AGBL1: variants seen among roughly 807,000 people sequenced by gnomAD.
AGBL1 encodes AGBL carboxypeptidase 1.
A neutral mutation model predicts 118.9 loss-of-function variants in AGBL1; 130 were observed. The observed-to-expected ratio is 1.09, with a 90% confidence interval of 0.95 to 1.26. AGBL1 has a LOEUF of 1.26. Ranked by LOEUF, AGBL1 falls within the 50% of genes most tolerant of loss-of-function variation. The pLI, the probability that AGBL1 is intolerant of heterozygous loss-of-function variation, is 0.00. For missense variants in AGBL1, 1,584 were observed against 1,298.1 expected (o/e 1.22, Z -3.38); for synonymous variants, 555 against 478.9 (o/e 1.16, Z -2.08).
intron 18 of AGBL1, among the ~76,000 whole-genome samples, chr15:86,475,920 T>C (rs1181918084): frequency 1.3e-5 from 2 of 152,172 alleles, no homozygotes; most frequent in African/African-American, 2.4e-5. Context: ...GGCCAATATT[T>C]AACATTCTTA....
downstream of AGBL1, among the ~76,000 whole-genome samples, chr15:87,030,918 T>C (rs2081776670): frequency 6.6e-6 from 1 of 151,902 alleles, no homozygotes; most frequent in Non-Finnish European, 1.5e-5. Flanking sequence ...GCGGCTGAGC[T>C]GAGGAAGGAC....
chr15:86,774,840 G>T (rs1432315142), intron 22 of AGBL1, among the ~76,000 whole-genome samples: 1 of 152,102 alleles, frequency 6.6e-6, no homozygotes, highest in African/African-American at 2.4e-5. Context: ...AGAAGTATAA[G>T]AAATGAAGTG....
chr15:86,980,373 C>T (rs755685205), intron 23 of AGBL1, among the ~76,000 whole-genome samples: 8 of 152,084 alleles, frequency 5.3e-5, no homozygotes, highest in Non-Finnish European at 1.0e-4. Flanking sequence ...GGGAGCATTC[C>T]AAAAAATAGC....
chr15:86,353,347 A>T (rs553097906), intron 17 of AGBL1, among the ~76,000 whole-genome samples: 1 of 152,224 alleles, frequency 6.6e-6, no homozygotes, highest in Non-Finnish European at 1.5e-5. Context: ...GCATGCCTAT[A>T]AACAAGGACC....
At chr15:86,845,085 T>G (rs560694361) in intron 22 of AGBL1, among the ~76,000 whole-genome samples, 1 of 152,258 alleles carries the variant, frequency 6.6e-6, no homozygotes, top group Non-Finnish European at 1.5e-5. Flanking sequence ...TTTATAGTAT[T>G]AAAATCAAAG....
At chr15:86,153,234 C>A (rs925202444) in intron 3 of AGBL1, among the ~76,000 whole-genome samples, 2 of 152,152 alleles carry the variant, frequency 1.3e-5, no homozygotes, top group African/African-American at 4.8e-5. Context: ...TGGCACTATT[C>A]ACAAAAGCAA....
At chr15:86,883,691 GT>G (rs1182366204) in intron 22 of AGBL1, among the ~76,000 whole-genome samples, 2 of 152,100 alleles carry the variant, frequency 1.3e-5, no homozygotes, top group African/African-American at 4.8e-5. Context: ...CTAGCACATG[GT>G]AGGTAGGTGG....
intron 22 of AGBL1, among the ~76,000 whole-genome samples, chr15:86,718,806 A>G (rs1470851226): frequency 2.0e-5 from 3 of 152,206 alleles, no homozygotes; most frequent in East Asian, 1.9e-4. Flanking sequence ...TCTGTTTTCT[A>G]AACAGAAACA....
intron 17 of AGBL1, among the ~76,000 whole-genome samples, chr15:86,321,403 C>T (rs1219362922): frequency 1.3e-5 from 2 of 151,930 alleles, no homozygotes; most frequent in African/African-American, 4.8e-5. Flanking sequence ...TCAAGTTCTT[C>T]CGCTTGTGTA....
chr15:86,708,328 G>C (rs1407951632), intron 22 of AGBL1, among the ~76,000 whole-genome samples: 1 of 152,048 alleles, frequency 6.6e-6, no homozygotes, highest in Non-Finnish European at 1.5e-5. Flanking sequence ...ACATAGGAGA[G>C]GTCATTCTCT....
At chr15:86,186,576 G>A (rs2077636539) in intron 5 of AGBL1, among the ~76,000 whole-genome samples, 1 of 152,174 alleles carries the variant, frequency 6.6e-6, no homozygotes, top group African/African-American at 2.4e-5. Flanking sequence ...CTGCAGGCCT[G>A]TCAAAATGCT....
intron 18 of AGBL1, among the ~76,000 whole-genome samples, chr15:86,477,851 A>G (rs917924612): frequency 2.6e-5 from 4 of 152,140 alleles, no homozygotes; most frequent in African/African-American, 4.8e-5. Flanking sequence ...CTGGCAAACC[A>G]AATCCAGCAG....
At chr15:86,517,061 C>G (rs1013929754) in intron 18 of AGBL1, among the ~76,000 whole-genome samples, 7 of 152,044 alleles carry the variant, frequency 4.6e-5, no homozygotes, top group African/African-American at 1.7e-4. Context: ...CAAATTAAAA[C>G]ATGTAAGAGA....
intron 23 of AGBL1, among the ~76,000 whole-genome samples, chr15:86,934,711 G>T (rs534355633): frequency 2.0e-5 from 3 of 152,120 alleles, no homozygotes; most frequent in East Asian, 3.9e-4. Flanking sequence ...ACAGTATCTG[G>T]CTCAAAGTAA....
At chr15:86,791,557 A>G (rs2078493412) in intron 22 of AGBL1, among the ~76,000 whole-genome samples, 1 of 151,994 alleles carries the variant, frequency 6.6e-6, no homozygotes, top group Non-Finnish European at 1.5e-5. Context: ...AGACACAGAA[A>G]TGTTGCCTAC....
intron 5 of AGBL1, among the ~76,000 whole-genome samples, chr15:86,194,139 T>C (rs369965063): frequency 6.6e-6 from 1 of 152,236 alleles, no homozygotes; most frequent in South Asian, 2.1e-4. Context: ...TGCTCTGGGA[T>C]TTTCTTCGGA....
At chr15:86,735,602 CTGTGTGTGTGTGTG>C (rs35147328) in intron 22 of AGBL1, among the ~76,000 whole-genome samples, 1 of 141,914 alleles carries the variant, frequency 7.0e-6, no homozygotes, top group South Asian at 2.3e-4. Context: ...GAGATACAGA[CTGTGTGTGTGTGTG>C]TGTGTGTGTG....
In AGBL1 at chr15:86,907,812, G is replaced by A. The variant is rs1227512860; in HGVS notation, c.*518G>A. 1 of 152,116 alleles carries A rather than the reference G, an allele frequency of 6.6e-6. No individual in the cohort carries two copies. Among genetic ancestry groups the A allele is most frequent in the East Asian group, 1.9e-4 (1 of 5,184 alleles). The allele number at this position is 152,116 out of a possible 1,614,324, so 9.4% of individuals were successfully genotyped here. On this transcript the variant is annotated 3_prime_UTR_variant, in exon 23 of 23. Transcript: ENST00000614907. ...CCTGGCAGGGTCTTCAGGTGCTGGG[G>A]CTTGAACATGAAAAACTGTGCATCC...
intron 23 of AGBL1, among the ~76,000 whole-genome samples, chr15:86,976,239 T>G (rs1363584595): frequency 6.6e-6 from 1 of 150,618 alleles, no homozygotes; most frequent in African/African-American, 2.4e-5. Context: ...TGCTTATATA[T>G]CTGTAGTATA....
Sources: allele counts gnomAD v4.1 joint callset (sites outside exome capture counted in the v4.1 genomes callset), GRCh38; gene constraint gnomAD v4.1.1; transcripts MANE v1.5; gene names NCBI Gene and HGNC (gene_info 2026-07-23, HGNC 2026-07-21).